The following ARHGAP24 variants were observed in gnomAD, a reference collection of about 807,000 sequenced individuals.
ARHGAP24 encodes the protein Rho GTPase activating protein 24.
In ARHGAP24, 50 loss-of-function variants were observed where a neutral mutation model predicts 76.4. The ratio of observed to expected loss-of-function variants is 0.65; its 90% CI spans 0.52 to 0.83. The LOEUF is 0.83. ARHGAP24 is among the 40% of genes least tolerant of loss of function. The probability of loss-of-function intolerance (pLI) is 0.00; values close to 1 mark genes in which losing one functional copy is unlikely to be tolerated. For synonymous variants in ARHGAP24, 345 were observed against 323.3 expected (o/e 1.07, Z -0.72); for missense variants, 930 against 914.2 (o/e 1.02, Z -0.22).
At chr4:85,991,970 C>T (rs1740356687) in intron 8 of ARHGAP24, 1 of 390,254 alleles carries the variant, frequency 2.6e-6, no homozygotes, top group Non-Finnish European at 4.5e-6. Context: ...AAATTTTTAG[C>T]CAATGCTTAT....
intron 4 of ARHGAP24, among the ~76,000 whole-genome samples, chr4:85,939,577 ATAGTTT>A (rs1452621249): frequency 6.6e-6 from 1 of 152,192 alleles, no homozygotes; most frequent in Non-Finnish European, 1.5e-5. Context: ...GTTTCTCACT[ATAGTTT>A]TAAAGTAAAT....
Position 85,758,497 on chromosome 4 carries a change from A to G in ARHGAP24, c.268+36525A>G, listed in dbSNP as rs921147033. Among the ~76,000 whole-genome samples, 5 of 152,188 alleles carry G rather than the reference A, an allele frequency of 3.3e-5. No individual in the cohort carries two copies. In the East Asian group the frequency reaches 5.8e-4, roughly 18 times the overall value. ...AGTCCCCCAGCTCCTTATAGGTTGC[A>G]TGTTTGCAGGGAGGAATATCACTCT... On this transcript the variant is annotated intron_variant, in intron 3 of 9. Coordinates refer to ENST00000395184, the MANE Select transcript of ARHGAP24 (RefSeq NM_001025616.3).
chr4:85,599,543 G>A (rs1328740117), intron 2 of ARHGAP24, among the ~76,000 whole-genome samples: 1 of 152,136 alleles, frequency 6.6e-6, no homozygotes, highest in East Asian at 1.9e-4. Context: ...TTACCCAGGT[G>A]ACTTCCTTTT....
At chr4:85,768,367 C>T (rs1727006250) in intron 3 of ARHGAP24, among the ~76,000 whole-genome samples, 1 of 152,096 alleles carries the variant, frequency 6.6e-6, no homozygotes, top group South Asian at 2.1e-4. Flanking sequence ...AGTGATAATA[C>T]AGCAGGAAAA....
chr4:85,751,352 G>GA (rs1726258164), intron 3 of ARHGAP24, among the ~76,000 whole-genome samples: 1 of 151,978 alleles, frequency 6.6e-6, no homozygotes, highest in African/African-American at 2.4e-5. Flanking sequence ...TTTGTTGTTA[G>GA]AAAAAAACCT....
At chr4:85,934,458 T>C (rs1736517685) in intron 4 of ARHGAP24, among the ~76,000 whole-genome samples, 1 of 152,246 alleles carries the variant, frequency 6.6e-6, no homozygotes, top group South Asian at 2.1e-4. Context: ...GCAAGCTTTC[T>C]CTGTTTACCA....
At chr4:85,831,630 C>T (rs751400967) in intron 3 of ARHGAP24, among the ~76,000 whole-genome samples, 1 of 152,012 alleles carries the variant, frequency 6.6e-6, no homozygotes, top group Non-Finnish European at 1.5e-5. Context: ...CACCTGGTAC[C>T]GTGGCTCACA....
In ARHGAP24 at chr4:85,718,985, A is replaced by G. The variant is rs527269083; in HGVS notation, c.181-2900A>G. ...GATCTTAAGTAGAACCTGAAGATAT[A>G]GAACTAAACAGGAGTTATACATACA... On this transcript the variant is annotated intron_variant, in intron 2 of 9. Transcript: ENST00000395184. 2.0e-5 allele frequency among the ~76,000 whole-genome samples: 3 copies of G among 152,326 alleles called. No homozygotes were observed. In the South Asian group the frequency reaches 6.2e-4, roughly 32 times the overall value.
chr4:85,519,265 G>A (rs568430366), intron 1 of ARHGAP24, among the ~76,000 whole-genome samples: 1 of 152,208 alleles, frequency 6.6e-6, no homozygotes, highest in Admixed American at 6.6e-5. Flanking sequence ...GGTGCTGAAT[G>A]TCATCCAGGT....
intron 3 of ARHGAP24, among the ~76,000 whole-genome samples, chr4:85,881,673 A>G (rs1733261216): frequency 6.6e-6 from 1 of 152,050 alleles, no homozygotes; most frequent in Non-Finnish European, 1.5e-5. Context: ...TGGATGTCCT[A>G]AGCACGCTGA....
chr4:85,490,638 A>G (rs957779696), intron 1 of ARHGAP24, among the ~76,000 whole-genome samples: 3 of 152,148 alleles, frequency 2.0e-5, no homozygotes, highest in African/African-American at 7.2e-5. Context: ...CAATCAAGCC[A>G]TGGAACATTT....
chr4:85,927,581 T>G (rs1430216334), intron 4 of ARHGAP24, among the ~76,000 whole-genome samples: 1 of 152,210 alleles, frequency 6.6e-6, no homozygotes, highest in East Asian at 1.9e-4. Flanking sequence ...CCTATCTTAG[T>G]TATGAAACCC....
intron 8 of ARHGAP24, among the ~76,000 whole-genome samples, chr4:85,979,745 C>T (rs1739544473): frequency 6.6e-6 from 1 of 152,206 alleles, no homozygotes. Context: ...CTGCTTGAAT[C>T]TTTCCCTTTA....
intron 1 of ARHGAP24, among the ~76,000 whole-genome samples, chr4:85,532,914 A>G (rs1725327148): frequency 6.6e-6 from 1 of 152,152 alleles, no homozygotes; most frequent in South Asian, 2.1e-4. Flanking sequence ...TGCAGCTCTC[A>G]ATAGGCAAAA....
At chr4:85,586,297 A>G (rs1352489129) in intron 2 of ARHGAP24, among the ~76,000 whole-genome samples, 1 of 152,168 alleles carries the variant, frequency 6.6e-6, no homozygotes, top group East Asian at 1.9e-4. Flanking sequence ...GCATAGGGAA[A>G]AGGAATCTTT....
chr4:85,682,709 A>G (rs1440806413), intron 2 of ARHGAP24, among the ~76,000 whole-genome samples: 1 of 152,236 alleles, frequency 6.6e-6, no homozygotes, highest in Non-Finnish European at 1.5e-5. Context: ...CTTTGCTTGC[A>G]AAGCATATTG....
At chr4:85,991,404 G>A (rs886339824) in intron 8 of ARHGAP24, 3 of 152,108 alleles carry the variant, frequency 2.0e-5, no homozygotes, top group Non-Finnish European at 4.4e-5. Flanking sequence ...AAGGCTTGCA[G>A]CCACATGTTC....
chr4:85,888,120 G>A (rs766250853), intron 3 of ARHGAP24, among the ~76,000 whole-genome samples: 7 of 152,012 alleles, frequency 4.6e-5, no homozygotes, highest in Non-Finnish European at 8.8e-5. Context: ...AATTCTATCT[G>A]TGCTGGGCGT....
intron 2 of ARHGAP24, among the ~76,000 whole-genome samples, chr4:85,690,980 T>G (rs1400543658): frequency 6.6e-6 from 1 of 152,150 alleles, no homozygotes; most frequent in African/African-American, 2.4e-5. Flanking sequence ...TGAAGGTGTT[T>G]GGTGCTATAA....
Sources: gnomAD v4.1 joint callset for allele counts (sites outside exome capture counted in the v4.1 genomes callset) on GRCh38, gnomAD v4.1.1 for gene constraint, MANE v1.5 for transcripts, NCBI Gene and HGNC (gene_info 2026-07-23, HGNC 2026-07-21) for gene names.